The following RABEP2 variants were observed in gnomAD, a reference collection of about 807,000 sequenced individuals.
The protein encoded by RABEP2 is rab GTPase-binding effector protein 2.
RABEP2 carries 57 observed loss-of-function variants against 74.1 expected under a neutral mutation model. The ratio of observed to expected loss-of-function variants is 0.77; its 90% CI spans 0.62 to 0.96. The LOEUF (loss-of-function observed/expected upper bound fraction) is 0.96. Ranked by LOEUF, RABEP2 falls within the 40% of genes least tolerant of loss-of-function variation. The pLI is 0.00. For missense variants in RABEP2, 692 were observed against 756.3 expected, an observed-to-expected ratio of 0.91 and a Z score of 1.00; for synonymous variants, 351 against 344.0, an observed-to-expected ratio of 1.02 and a Z score of -0.23.
chr16:28,915,268 A>G (rs2152221541), intron 3 of RABEP2, among the ~76,000 whole-genome samples: 1 of 147,978 alleles, frequency 6.8e-6, no homozygotes, highest in East Asian at 2.1e-4. Flanking sequence ...TATGTTGCCC[A>G]GACTGGTTTT....
Position 28,916,877 on chromosome 16 carries a change from G to C in RABEP2, c.433-2095C>G, listed in dbSNP as rs1964403223. ...TGCGCGCCTGTAATCCCAGCTACTT[G>C]GGAGGTTGAGGAAGGAGAATTGCTT... On this transcript the variant is annotated intron_variant, in intron 3 of 12. Coordinates refer to ENST00000358201, the MANE Select transcript of RABEP2 (RefSeq NM_024816.3). Among the ~76,000 whole-genome samples, 5 of 151,284 alleles carry C rather than the reference G, an allele frequency of 3.3e-5. No individual in the cohort carries two copies. The Admixed American group carries it at 3.3e-4, about 10-fold the overall frequency.
At chr16:28,905,899 G>A in intron 9 of RABEP2, 21 bp from the exon 10 acceptor site, 6 of 1,613,550 alleles carry the variant, frequency 3.7e-6, no homozygotes, top group Non-Finnish European at 5.1e-6. Context: ...GAAAGAAAGA[G>A]AGGTCAAGGC....
At chr16:28,923,533 A>G (rs1964495146) in intron 2 of RABEP2, among the ~76,000 whole-genome samples, 1 of 152,236 alleles carries the variant, frequency 6.6e-6, no homozygotes, top group African/African-American at 2.4e-5. Context: ...AACTTTTAAA[A>G]TGTGGATCTA....
In RABEP2 at chr16:28,919,955, G is replaced by A. The variant is rs1157529401; in HGVS notation, c.275-12C>T. On this transcript the variant is annotated splice_polypyrimidine_tract_variant and intron_variant, in intron 2 of 12. Transcript: ENST00000358201. ...GCTGCTGATGGAGTCTGGTGGGGGA[G>A]AGGGAGGGTGGGAGAGAGGGAGGGT... 6.4e-7 allele frequency: 1 copy of A among 1,563,060 alleles called. No individual in the cohort carries two copies. The highest frequency in any genetic ancestry group is 2.3e-5 in the East Asian group (1 of 43,482).
At position 28,905,055 on chromosome 16, in the gene RABEP2, GGAC is replaced by G; in HGVS notation, c.1609-14_1609-12del. 1 of 1,593,362 alleles carries G rather than the reference GGAC, an allele frequency of 6.3e-7. No individual in the cohort carries two copies. Among genetic ancestry groups the G allele is most frequent in the Non-Finnish European group, 8.5e-7 (1 of 1,172,888 alleles). On this transcript the variant is annotated splice_polypyrimidine_tract_variant and intron_variant, in intron 12 of 12. Transcript: ENST00000358201. ...CCGCTCTAGGCGCACCTGCCGGATCGGACGAGGGGAGCAGAGTGCACTTGTGGG... is the reference window on the plus strand; with the variant it reads ...CCGCTCTAGGCGCACCTGCCGGATCGGAGGGGAGCAGAGTGCACTTGTGGG...
At position 28,919,945 on chromosome 16, in the gene RABEP2, T is replaced by TGGTGGGGGAGAGGGAG; in HGVS notation, c.275-18_275-3dup. Reference sequence around the variant, plus strand: ...GGGCTTCATAGCTGCTGATGGAGTCTGGTGGGGGAGAGGGAGGGTGGGAGA... The same window carrying TGGTGGGGGAGAGGGAG: ...GGGCTTCATAGCTGCTGATGGAGTCTGGTGGGGGAGAGGGAGGGTGGGGGAGAGGGAGGGTGGGAGA... On this transcript the variant is annotated splice_polypyrimidine_tract_variant and splice_region_variant and intron_variant, in intron 2 of 12. Transcript: ENST00000358201. The TGGTGGGGGAGAGGGAG allele has an allele frequency of 1.1e-6, 1 of 883,456 alleles. No individual in the cohort carries two copies. The highest frequency in any genetic ancestry group is 1.7e-6 in the Non-Finnish European group (1 of 597,832). The allele number at this position is 883,456 out of a possible 1,614,324, so 54.7% of individuals were successfully genotyped here. A position where few individuals can be genotyped will look rare whatever the true frequency, so the allele number is the denominator to read the frequency against.
intron 3 of RABEP2, among the ~76,000 whole-genome samples, chr16:28,917,488 C>T (rs1387612554): frequency 3.3e-5 from 5 of 152,084 alleles, no homozygotes; most frequent in African/African-American, 9.7e-5. Flanking sequence ...GGTATGATCT[C>T]GGCTCACTGC....
intron 3 of RABEP2, chr16:28,917,836 T>C (rs1281568934): frequency 6.6e-6 from 1 of 152,272 alleles, no homozygotes; most frequent in Non-Finnish European, 1.5e-5. Flanking sequence ...GCCCGGATGC[T>C]GGGAAGATGT....
At chr16:28,915,518 C>G (rs1384533477) in intron 3 of RABEP2, among the ~76,000 whole-genome samples, 1 of 152,024 alleles carries the variant, frequency 6.6e-6, no homozygotes, top group Non-Finnish European at 1.5e-5. Flanking sequence ...AGGGGACCTT[C>G]CAGGACAACT....
chr16:28,919,699 G>A lies in RABEP2; in HGVS notation c.432+87C>T, dbSNP rs1030391974. On this transcript the variant is annotated intron_variant, in intron 3 of 12. Coordinates refer to ENST00000358201, the MANE Select transcript of RABEP2 (RefSeq NM_024816.3). ...TCCTAGAATCACTGCTGGGTGCCCC[G>A]CACCCCATGACCAGGGAATGGGACA... is the stretch of plus-strand genomic sequence containing the variant. 9.5e-5 allele frequency: 137 copies of A among 1,440,072 alleles called. No homozygotes were observed. The African/African-American group carries it at 1.6e-3, about 17-fold the overall frequency. The allele number at this position is 1,440,072 out of a possible 1,614,324, so 89.2% of individuals were successfully genotyped here.
rs1964225312 is a variant in RABEP2 at position 28,906,064 on chromosome 16, T to C, written c.1378A>G (p.Arg460Gly). The change falls in exon 9 of 13, where the codon AGG (arginine) becomes GGG (glycine). Residue 460 changes from arginine to glycine, a missense_variant. Physicochemically the swap from Arg to Gly is moderately radical, Grantham distance 125. Transcript: ENST00000358201. The part of the protein sequence containing the change: ...REALEEETVA[R>G]ASLEGQLRVQ... ...CTCAGCTGCCCCTCCAGGCTGGCCCTGGCCACTGTCTCCTCCTCCAGAGCC... is the reference window on the plus strand; with the variant it reads ...CTCAGCTGCCCCTCCAGGCTGGCCCCGGCCACTGTCTCCTCCTCCAGAGCC... The C allele has an allele frequency of 1.2e-6, 2 of 1,600,470 alleles. No individual in the cohort carries two copies. Among genetic ancestry groups the C allele is most frequent in the African/African-American group, 1.3e-5 (1 of 74,622 alleles).
At chr16:28,924,694 G>A in intron 1 of RABEP2, 79 bp from the exon 2 acceptor site, 2 of 1,317,424 alleles carry the variant, frequency 1.5e-6, no homozygotes, top group Non-Finnish European at 2.1e-6. Flanking sequence ...CTGCAACCTA[G>A]TACTGTTGCC....
Position 28,924,478 on chromosome 16 carries a change from T to G in RABEP2, c.199A>C (p.Thr67Pro). The change falls in exon 2 of 13, where the codon ACG becomes CCG. Residue 67 changes from threonine (T) to proline (P), a missense_variant. Physicochemically the swap from Thr to Pro is conservative, Grantham distance 38 (BLOSUM62 -1). Coordinates refer to ENST00000358201, the MANE Select transcript of RABEP2 (RefSeq NM_024816.3). ...ACCGCAGCCACAGCCTCGGCCTTCG[T>G]GCTCTCGCTCACCTCTGCCACAGCC... ...MKAVAEVSES[T>P]KAEAVAAVQR... The G allele has an allele frequency of 1.2e-6, 2 of 1,614,044 alleles. No individual in the cohort carries two copies. Among genetic ancestry groups the G allele is most frequent in the African/African-American group, 1.3e-5 (1 of 75,052 alleles).
chr16:28,919,787 T>G lies in RABEP2; in HGVS notation c.431A>C (p.Lys144Thr). Residue 144 changes from lysine to threonine, a missense_variant and splice_region_variant, in exon 3 of 13, where the codon AAG (lysine) becomes ACG (threonine). Lys to Thr is a moderately conservative substitution (Grantham distance 78, BLOSUM62 -1). Transcript: ENST00000358201. ...PLDSLEKQME[K>T]AHEDSEKLRE... ...CAGGGAAGCCATCCCAATCCCAACC[T>G]TTTCCATCTGCTTCTCCAGGGAGTC... is the stretch of plus-strand genomic sequence containing the variant. 1 of 1,604,310 alleles carries G rather than the reference T, an allele frequency of 6.2e-7. No individual in the cohort carries two copies. Among genetic ancestry groups the G allele is most frequent in the Non-Finnish European group, 8.5e-7 (1 of 1,173,796 alleles).
chr16:28,910,656 T>G (rs1596697051), intron 7 of RABEP2: 1 of 485,358 alleles, frequency 2.1e-6, no homozygotes, highest in Non-Finnish European at 3.7e-6. Flanking sequence ...AGGCTGGGAG[T>G]CTGGGATTAG....
intron 3 of RABEP2, among the ~76,000 whole-genome samples, chr16:28,915,043 T>C (rs1964370913): frequency 6.7e-6 from 1 of 148,200 alleles, no homozygotes; most frequent in Admixed American, 6.8e-5. Flanking sequence ...ACATCCATTT[T>C]TTTCTTTCGT....
chr16:28,921,838 G>A (rs1000797473), intron 2 of RABEP2, among the ~76,000 whole-genome samples: 4 of 151,742 alleles, frequency 2.6e-5, no homozygotes, highest in South Asian at 2.1e-4. Context: ...GGTGGTGGGC[G>A]CCTGTAATCC....
At chr16:28,907,892 T>C (rs1964257178) in intron 8 of RABEP2, among the ~76,000 whole-genome samples, 1 of 152,136 alleles carries the variant, frequency 6.6e-6, no homozygotes, top group South Asian at 2.1e-4. Flanking sequence ...CTCCGCCTCC[T>C]GGGTTCAATC....
Position 28,924,526 on chromosome 16 carries a change from G to C in RABEP2, c.151C>G (p.Leu51Val). 1 of 1,614,020 alleles carries C rather than the reference G, an allele frequency of 6.2e-7. No homozygotes were observed. Among genetic ancestry groups the C allele is most frequent in the Non-Finnish European group, 8.5e-7 (1 of 1,180,018 alleles). ...SRLRAELAGA[L>V]AEMETMKAVA... ...GCCTTCATGGTTTCCATTTCTGCCA[G>C]GGCGCCTGCCAGCTCAGCCCGAAGC... The change falls in exon 2 of 13, where the codon CTG becomes GTG. Residue 51 changes from leucine (L) to valine (V), a missense_variant. By Grantham distance (32) the Leu-to-Val change is conservative. Coordinates refer to ENST00000358201, the MANE Select transcript of RABEP2 (RefSeq NM_024816.3).
Sources: gnomAD v4.1 joint callset for allele counts (sites outside exome capture counted in the v4.1 genomes callset) on GRCh38, gnomAD v4.1.1 for gene constraint, MANE v1.5 for transcripts, NCBI Gene and HGNC (gene_info 2026-07-23, HGNC 2026-07-21) for gene names.